Variants in RCOR1 observed in about 807,000 individuals in gnomAD.
RCOR1 encodes the protein REST corepressor.
A neutral mutation model predicts 64.0 loss-of-function variants in RCOR1; 12 were observed. That is an observed-to-expected ratio of 0.19 (90% CI 0.12 to 0.30). RCOR1 has a LOEUF of 0.30. Among genes scored for constraint, RCOR1 ranks in the 10% least tolerant of loss-of-function variants. The probability of loss-of-function intolerance (pLI) is 1.00; values close to 1 mark genes in which losing one functional copy is unlikely to be tolerated. For synonymous variants in RCOR1, 279 were observed against 227.2 expected, an observed-to-expected ratio of 1.23 and a Z score of -2.05; for missense variants, 502 against 621.2, an observed-to-expected ratio of 0.81 and a Z score of 2.04.
chr14:102,665,854 G>A (rs1894907982), intron 2 of RCOR1, among the ~76,000 whole-genome samples: 2 of 152,174 alleles, frequency 1.3e-5, no homozygotes, highest in South Asian at 2.1e-4. Context: ...TTACTGGCAC[G>A]TAGTAATAGT....
Position 102,613,885 on chromosome 14 carries a change from CTTTTTT to C in RCOR1, c.361+20579_361+20584del, listed in dbSNP as rs71119719. Among the ~76,000 whole-genome samples the C allele has an allele frequency of 7.9e-4, 44 of 55,512 alleles. 2 individuals are homozygous for C. The highest frequency in any genetic ancestry group is 2.6e-3 in the African/African-American group (40 of 15,298). 36.4% of individuals were successfully genotyped at this position (55,512 alleles called of 152,430 possible). On this transcript the variant is annotated intron_variant, in intron 2 of 11. Coordinates refer to ENST00000262241, the MANE Select transcript of RCOR1 (RefSeq NM_015156.4). Reference sequence around the variant, plus strand: ...TAGGTTGTTTTTTGAATTAACTATTCTTTTTTTTTTTTTTTTTTTTTTTTGAGACAG... The same window carrying C: ...TAGGTTGTTTTTTGAATTAACTATTCTTTTTTTTTTTTTTTTTTGAGACAG...
intron 6 of RCOR1, among the ~76,000 whole-genome samples, chr14:102,710,106 T>C (rs1363073493): frequency 6.6e-6 from 1 of 152,026 alleles, no homozygotes; most frequent in Non-Finnish European, 1.5e-5. Flanking sequence ...CGAAGGCTCT[T>C]TCTTGTTGTG....
At chr14:102,719,454 G>A (rs1212465334) in intron 8 of RCOR1, among the ~76,000 whole-genome samples, 1 of 152,038 alleles carries the variant, frequency 6.6e-6, no homozygotes. Flanking sequence ...CTGTGTCCAA[G>A]TGTTCTCATT....
chr14:102,633,285 T>C (rs1238018614), intron 2 of RCOR1, among the ~76,000 whole-genome samples: 1 of 152,152 alleles, frequency 6.6e-6, no homozygotes, highest in Non-Finnish European at 1.5e-5. Flanking sequence ...AATAAAGGCT[T>C]TCACAGTTCA....
chr14:102,616,204 ATATGTG>A (rs1291283646), intron 2 of RCOR1, among the ~76,000 whole-genome samples: 3 of 128,690 alleles, frequency 2.3e-5, no homozygotes, highest in Admixed American at 8.6e-5. Context: ...ATACATGTGT[ATATGTG>A]TGTGTGTGTG....
intron 2 of RCOR1, chr14:102,662,330 C>T: frequency 1.8e-6 from 1 of 565,920 alleles, no homozygotes. Context: ...CAGGCCGAAT[C>T]AGGGTGTTGA....
rs1893750255 is a variant in RCOR1 at position 102,615,938 on chromosome 14, T to A, written c.361+22613T>A. On this transcript the variant is annotated intron_variant, in intron 2 of 11. Transcript: ENST00000262241. ...CATCAGTTCTGCAGTGGGCAGCAGC[T>A]GGGCATCCTCTAATTGAATTCAGTT... 2.0e-5 allele frequency among the ~76,000 whole-genome samples: 3 copies of A among 152,238 alleles called. No homozygotes were observed. In the South Asian group the frequency reaches 6.2e-4, roughly 31 times the overall value.
intron 8 of RCOR1, among the ~76,000 whole-genome samples, chr14:102,718,845 A>G (rs996750002): frequency 9.2e-5 from 14 of 152,034 alleles, no homozygotes; most frequent in Non-Finnish European, 2.1e-4. Context: ...CTGGGACTGT[A>G]GTGATACAGT....
At chr14:102,650,386 ATGGG>A (rs571574186) in intron 2 of RCOR1, among the ~76,000 whole-genome samples, 1,251 of 23,440 alleles carry the variant, frequency 0.053, 79 homozygotes, top group East Asian at 0.53. Context: ...AAATGGATGG[ATGGG>A]TGGGTGGGTG....
chr14:102,721,181 G>GGA, intron 9 of RCOR1, 97 bp downstream of exon 9: 2 of 1,045,736 alleles, frequency 1.9e-6, no homozygotes, highest in Non-Finnish European at 2.9e-6. Context: ...TACATCTCTT[G>GGA]GAAGAGTATA....
chr14:102,665,081 C>A (rs1384709759), intron 2 of RCOR1, among the ~76,000 whole-genome samples: 1 of 152,118 alleles, frequency 6.6e-6, no homozygotes, highest in Admixed American at 6.6e-5. Context: ...CGCAATCTCA[C>A]TGCAACCTCT....
chr14:102,654,677 G>A (rs753267722), intron 2 of RCOR1, among the ~76,000 whole-genome samples: 11 of 151,392 alleles, frequency 7.3e-5, no homozygotes, highest in Non-Finnish European at 1.6e-4. Flanking sequence ...ACCAGCCTGG[G>A]CAAGATAGTG....
intron 2 of RCOR1, among the ~76,000 whole-genome samples, chr14:102,604,556 C>T (rs1318726616): frequency 1.3e-5 from 2 of 152,142 alleles, no homozygotes; most frequent in Admixed American, 6.5e-5. Flanking sequence ...GATGAGGAAA[C>T]AGAGGCATTG....
At chr14:102,671,374 A>T (rs182938441) in intron 2 of RCOR1, among the ~76,000 whole-genome samples, 15 of 151,900 alleles carry the variant, frequency 9.9e-5, no homozygotes, top group Admixed American at 8.5e-4. Context: ...TTCTCCTTCC[A>T]GTTAGTTTCT....
In RCOR1 at chr14:102,593,324, C is replaced by T. The variant is rs758696082; in HGVS notation, c.360C>T (p.Pro120=). 7.8e-6 allele frequency: 12 copies of T among 1,542,008 alleles called. No homozygotes were observed. The highest frequency in any genetic ancestry group is 1.4e-5 in the African/African-American group (1 of 70,024). The stretch of plus-strand genomic sequence containing the variant: ...AGGCGGTGGTGCCCGACTTCGACCC[C>T]GGTGAGTAGCGGCCCCGGCCGGCCG... The part of the protein sequence containing the change: ...QYQAVVPDFD[P]AKLARRSQER... Residue 120 remains proline (P), a splice_region_variant and synonymous_variant, in exon 2 of 12, where the codon CCC becomes CCT. Coordinates refer to ENST00000262241, the MANE Select transcript of RCOR1 (RefSeq NM_015156.4).
At chr14:102,644,715 C>G (rs1161954292) in intron 2 of RCOR1, among the ~76,000 whole-genome samples, 1 of 152,150 alleles carries the variant, frequency 6.6e-6, no homozygotes, top group African/African-American at 2.4e-5. Context: ...AATGGCAGGA[C>G]AAGCTTAGGA....
chr14:102,705,552 A>C (rs1317109614), intron 4 of RCOR1, among the ~76,000 whole-genome samples: 1 of 152,164 alleles, frequency 6.6e-6, no homozygotes, highest in African/African-American at 2.4e-5. Flanking sequence ...TCAGTCAAGC[A>C]GTCCTCCTGC....
intron 2 of RCOR1, among the ~76,000 whole-genome samples, chr14:102,609,380 C>T (rs1567406289): frequency 6.6e-6 from 1 of 151,820 alleles, no homozygotes; most frequent in Non-Finnish European, 1.5e-5. Context: ...AATTGTTTTT[C>T]ACAGTAGCTT....
intron 2 of RCOR1, among the ~76,000 whole-genome samples, chr14:102,613,885 CTTTTTTTTTTTTTT>C (rs71119719): frequency 1.8e-5 from 1 of 55,498 alleles, no homozygotes; most frequent in Non-Finnish European, 3.4e-5. Context: ...ATTAACTATT[CTTTTTTTTTTTTTT>C]TTTTTTTTTT....
Sources: allele counts gnomAD v4.1 joint callset (sites outside exome capture counted in the v4.1 genomes callset), GRCh38; gene constraint gnomAD v4.1.1; transcripts MANE v1.5; gene names NCBI Gene and HGNC (gene_info 2026-07-23, HGNC 2026-07-21).